CES1: variants seen among roughly 807,000 people sequenced by gnomAD.
CES1 encodes the protein carboxylesterase 1.
In CES1, 50 loss-of-function variants were observed where a neutral mutation model predicts 53.0. The ratio of observed to expected loss-of-function variants is 0.94; its 90% CI spans 0.75 to 1.19. The LOEUF is 1.19. Among genes scored for constraint, CES1 ranks in the 50% most tolerant of loss-of-function variants. CES1 has a pLI of 0.00. For missense variants in CES1, 534 were observed against 538.0 expected (o/e 0.99, Z 0.07); for synonymous variants, 202 against 210.1 (o/e 0.96, Z 0.33).
chr16:55,810,419 C>T, intron 11 of CES1, 98 bp downstream of exon 11: 4 of 1,511,092 alleles, frequency 2.6e-6, no homozygotes, highest in Non-Finnish European at 3.7e-6. Flanking sequence ...AGGCCTGACC[C>T]TCAGCTGTTT....
At chr16:55,824,053 C>T (rs1474582184) in intron 3 of CES1, among the ~76,000 whole-genome samples, 4 of 152,250 alleles carry the variant, frequency 2.6e-5, no homozygotes, top group Non-Finnish European at 4.4e-5. Flanking sequence ...CTCAGCGTAC[C>T]CATGGGGCAG....
rs746693909 is a variant in CES1, at chr16:55,828,851, G to A, written c.176C>T (p.Pro59Leu). 19 of 1,614,168 alleles carry A rather than the reference G, an allele frequency of 1.2e-5. No homozygotes were observed. Among genetic ancestry groups the A allele is most frequent in the South Asian group, 4.4e-5 (4 of 91,092 alleles). The part of the protein sequence containing the change: ...AIFLGIPFAK[P>L]PLGPLRFTPP... ...AGTAAACCTCAGGGGTCCAAGAGGC[G>A]GCTTGGCAAAAGGGATTCCCAGGAA... is the stretch of plus-strand genomic sequence containing the variant. Residue 59 changes from proline to leucine, a missense_variant, in exon 2 of 14, where the codon CCG becomes CTG. Around this residue, in one of 5 missense-constraint regions of CES1, gnomAD observed 164 missense variants for 162.4 expected, o/e 1.01. Coordinates refer to ENST00000360526, the MANE Select transcript of CES1 (RefSeq NM_001025195.2).
chr16:55,810,781 G>C, intron 10 of CES1, 117 bp from the exon 11 acceptor site: 1 of 1,453,280 alleles, frequency 6.9e-7, no homozygotes, highest in Non-Finnish European at 9.7e-7. Context: ...TCCCCGCTAG[G>C]GTGGAAAATG....
chr16:55,812,191 G>A (rs2031728985), intron 9 of CES1: 1 of 153,384 alleles, frequency 6.5e-6, no homozygotes. Flanking sequence ...TCAACTGGAA[G>A]GAGAACACTT....
In CES1 at chr16:55,810,921, T is replaced by G. The variant is rs781036067; in HGVS notation, c.1170+6A>C. ...CAGCCAATTCCCATGATTCCTAGAC[T>G]CTTACAACAAGGGGATAGGACTTCC... On this transcript the variant is annotated splice_donor_region_variant and intron_variant, in intron 10 of 13. Transcript: ENST00000360526. 27 of 1,611,798 alleles carry G rather than the reference T, an allele frequency of 1.7e-5. No homozygotes were observed. The African/African-American group carries it at 3.3e-4, about 20-fold the overall frequency.
Position 55,810,664 on chromosome 16 carries a change from A to C in CES1, c.1171T>G (p.Cys391Gly). The C allele has an allele frequency of 6.2e-7, 1 of 1,614,134 alleles. No homozygotes were observed. Among genetic ancestry groups the C allele is most frequent in the Non-Finnish European group, 8.5e-7 (1 of 1,180,000 alleles). Reference sequence around the variant, plus strand: ...TCTGGAATCAGTTCCTTAGCAATGCACTGAAATAGATCAAAAAGTGACCAC... The same window carrying C: ...TCTGGAATCAGTTCCTTAGCAATGCCCTGAAATAGATCAAAAAGTGACCAC... ...SLLWKSYPLV[C>G]IAKELIPEAT... Residue 391 changes from cysteine to glycine, a missense_variant and splice_region_variant, in exon 11 of 14, where the codon TGC becomes GGC. Around this residue, in one of 5 missense-constraint regions of CES1, gnomAD observed 269 missense variants for 206.6 expected, o/e 1.30. Coordinates refer to ENST00000360526, the MANE Select transcript of CES1 (RefSeq NM_001025195.2).
At chr16:55,821,754 C>G (rs1431343824) in intron 4 of CES1, among the ~76,000 whole-genome samples, 5 of 152,184 alleles carry the variant, frequency 3.3e-5, no homozygotes, top group Admixed American at 6.5e-5. Flanking sequence ...GTCTTATGAG[C>G]TAGAGCACAT....
intron 7 of CES1, among the ~76,000 whole-genome samples, chr16:55,818,533 C>A (rs2142330867): frequency 6.6e-6 from 1 of 152,198 alleles, no homozygotes; most frequent in Non-Finnish European, 1.5e-5. Context: ...TCCTGAATTC[C>A]ACTGTCTGGT....
intron 6 of CES1, chr16:55,820,071 G>A: frequency 1.0e-5 from 6 of 592,686 alleles, no homozygotes. Flanking sequence ...CATAGGAGGA[G>A]TGTGGTCACA....
At chr16:55,819,410 C>G in intron 7 of CES1, 125 bp downstream of exon 7, 2 of 773,658 alleles carry the variant, frequency 2.6e-6, no homozygotes, top group Non-Finnish European at 4.7e-6. Context: ...AAATCAGATT[C>G]CCCATTCAGA....
intron 8 of CES1, among the ~76,000 whole-genome samples, chr16:55,813,419 A>G (rs1228617953): frequency 6.6e-6 from 1 of 152,168 alleles, no homozygotes; most frequent in Non-Finnish European, 1.5e-5. Context: ...GTACTGAATT[A>G]GAGAATACAG....
chr16:55,825,009 G>A (rs1221431556), intron 3 of CES1, among the ~76,000 whole-genome samples: 18 of 152,182 alleles, frequency 1.2e-4, no homozygotes, highest in African/African-American at 4.1e-4. Flanking sequence ...TGTGAAGACT[G>A]AGCCTGAGGG....
chr16:55,812,232 AT>A, intron 9 of CES1: 1 of 154,030 alleles, frequency 6.5e-6, no homozygotes, highest in Admixed American at 6.4e-5. Flanking sequence ...TACTTTTTCC[AT>A]TTATTTGTTT....
intron 1 of CES1, among the ~76,000 whole-genome samples, chr16:55,830,819 A>AAGGAAGGAAGGAAGGAAGGCAGGCAGGC (rs1454708070): frequency 3.8e-4 from 48 of 127,322 alleles, no homozygotes; most frequent in African/African-American, 1.6e-3. Context: ...GGAAGGAAGG[A>AAGGAAGGAAGGAAGGAAGGCAGGCAGGC]AGGCAGGCAG....
chr16:55,811,098 C>CTG lies in CES1; in HGVS notation c.1087-90_1087-89dup, dbSNP rs551542202. 85 of 1,083,378 alleles carry CTG rather than the reference C, an allele frequency of 7.8e-5. 1 individual carries two copies. The East Asian group carries it at 2.0e-3, about 26-fold the overall frequency. The allele number at this position is 1,083,378 out of a possible 1,614,324, so 67.1% of individuals were successfully genotyped here. A position where few individuals can be genotyped will look rare whatever the true frequency, so the allele number is the denominator to read the frequency against. Reference sequence around the variant, plus strand: ...GACCAACCAACCAAACCAATGCAGTCTGAAAGTCCTCTAATTATGGGGGCT... The same window carrying CTG: ...GACCAACCAACCAAACCAATGCAGTCTGTGAAAGTCCTCTAATTATGGGGGCT... On this transcript the variant is annotated intron_variant, in intron 9 of 13. Transcript: ENST00000360526.
rs747279007 is a variant in CES1, at chr16:55,821,536, A to G, written c.540-15T>C. 6.2e-7 allele frequency: 1 copy of G among 1,614,142 alleles called. No homozygotes were observed. The highest frequency in any genetic ancestry group is 1.1e-5 in the South Asian group (1 of 91,080). Reference sequence around the variant, plus strand: ...CATCCCCTGTGCTGTGAGGAAGAGAACAGGTTGAGGGTGGGGAGCAGAGAT... The same window carrying G: ...CATCCCCTGTGCTGTGAGGAAGAGAGCAGGTTGAGGGTGGGGAGCAGAGAT... On this transcript the variant is annotated splice_polypyrimidine_tract_variant and intron_variant, in intron 4 of 13. Coordinates refer to ENST00000360526, the MANE Select transcript of CES1 (RefSeq NM_001025195.2).
At chr16:55,821,313 G>T (rs1263619217) in intron 5 of CES1, 55 bp downstream of exon 5, 8 of 1,607,334 alleles carry the variant, frequency 5.0e-6, no homozygotes, top group Non-Finnish European at 6.0e-6. Context: ...TGTCCAAGAG[G>T]TCTCATCAGC....
chr16:55,816,777 G>A, intron 8 of CES1, 147 bp downstream of exon 8: 1 of 992,832 alleles, frequency 1.0e-6, no homozygotes, highest in South Asian at 1.3e-5. Flanking sequence ...TGTTACCCAG[G>A]TGAGTCACTA....
intron 5 of CES1, 22 bp downstream of exon 5, chr16:55,821,346 G>T: frequency 1.2e-6 from 2 of 1,614,154 alleles, no homozygotes; most frequent in Non-Finnish European, 1.7e-6. Context: ...GTGGGGTTGG[G>T]CCTGGTGACA....
Sources: allele counts gnomAD v4.1 joint callset (sites outside exome capture counted in the v4.1 genomes callset), GRCh38; gene constraint gnomAD v4.1.1; regional missense constraint gnomAD v4.1.1; transcripts MANE v1.5; gene names NCBI Gene and HGNC (gene_info 2026-07-23, HGNC 2026-07-21).